The following NRP1 variants were observed in gnomAD, a reference collection of about 807,000 sequenced individuals.
NRP1 encodes neuropilin 1.
A neutral mutation model predicts 106.7 loss-of-function variants in NRP1; 35 were observed. That is an observed-to-expected ratio of 0.33 (90% CI 0.25 to 0.43). NRP1 has a LOEUF of 0.43. NRP1 is among the 20% of genes least tolerant of loss of function. The pLI, the probability that NRP1 is intolerant of heterozygous loss-of-function variation, is 1.00. For synonymous variants in NRP1, 437 were observed against 417.9 expected (o/e 1.05, Z -0.56); for missense variants, 1,024 against 1,170.4 (o/e 0.87, Z 1.83).
intron 15 of NRP1, among the ~76,000 whole-genome samples, chr10:33,184,862 T>C (rs1045591328): frequency 9.2e-5 from 14 of 152,328 alleles, no homozygotes; most frequent in African/African-American, 2.9e-4. Context: ...TGTCTTAAAT[T>C]GGCCCAATAG....
chr10:33,195,438 A>G, intron 12 of NRP1: 1 of 523,816 alleles, frequency 1.9e-6, no homozygotes, highest in Non-Finnish European at 3.9e-6. Flanking sequence ...ATGCCCATGG[A>G]GTTTATTATA....
intron 8 of NRP1, among the ~76,000 whole-genome samples, chr10:33,220,841 C>T (rs565441175): frequency 1.4e-5 from 2 of 146,152 alleles, no homozygotes; most frequent in African/African-American, 2.5e-5. Context: ...GTGGAGGTTG[C>T]CATGAGCCAA....
In NRP1 at chr10:33,270,750, G is replaced by T. The variant is rs746144639; in HGVS notation, c.355C>A (p.Leu119Ile). 1 of 1,613,842 alleles carries T rather than the reference G, an allele frequency of 6.2e-7. No individual in the cohort carries two copies. The highest frequency in any genetic ancestry group is 1.7e-5 in the Admixed American group (1 of 59,974). The change falls in exon 3 of 17, where the codon CTT (leucine) becomes ATT (isoleucine). Residue 119 changes from leucine to isoleucine, a missense_variant. This residue lies in a region of NRP1 where 279 missense variants were observed against 327.4 expected (regional missense o/e 0.85). Coordinates refer to ENST00000374867, the MANE Select transcript of NRP1 (RefSeq NM_003873.7). ...PPPVVSSGPF[L>I]FIKFVSDYET... is the part of the protein sequence containing the mutation. ...TAGTCAGAGACAAATTTGATAAAAA[G>T]AAATGGCCCTGAAGACACAACAGGA...
intron 10 of NRP1, 53 bp from the exon 11 acceptor site, chr10:33,203,048 G>A: frequency 1.3e-6 from 2 of 1,543,784 alleles, no homozygotes; most frequent in Admixed American, 1.9e-5. Flanking sequence ...GTATTCTCAA[G>A]CCTCTGGCTG....
rs10558085 is a variant in NRP1 at position 33,230,597 on chromosome 10, ATGTGTGTGTGTG to A, written c.982-4320_982-4309del. On this transcript the variant is annotated intron_variant, in intron 6 of 16. Transcript: ENST00000374867. ...CCTATTTTCCATTAGTTTCTCATAT[ATGTGTGTGTGTG>A]TGTGTGTGTGTGTGTGTGTGTGTGT... Among the ~76,000 whole-genome samples the A allele has an allele frequency of 1.4e-3, 203 of 144,684 alleles. 1 individual carries two copies. Among genetic ancestry groups the A allele is most frequent in the Admixed American group, 4.7e-3 (69 of 14,700 alleles). 94.9% of individuals were successfully genotyped at this position (144,684 alleles called of 152,430 possible).
intron 4 of NRP1, among the ~76,000 whole-genome samples, chr10:33,258,213 A>G (rs1842332248): frequency 1.3e-5 from 2 of 152,198 alleles, no homozygotes; most frequent in Non-Finnish European, 2.9e-5. Flanking sequence ...CTTGGCCGAC[A>G]GGTTTTCAGC....
At chr10:33,248,718 G>A (rs1245920066) in intron 6 of NRP1, among the ~76,000 whole-genome samples, 1 of 148,782 alleles carries the variant, frequency 6.7e-6, no homozygotes, top group Non-Finnish European at 1.5e-5. Flanking sequence ...AAATGGAGTG[G>A]AGAAAGAAGA....
At chr10:33,252,560 C>T (rs1588850775) in intron 6 of NRP1, among the ~76,000 whole-genome samples, 1 of 152,128 alleles carries the variant, frequency 6.6e-6, no homozygotes, top group Non-Finnish European at 1.5e-5. Context: ...GCGAGCCACA[C>T]CCCTATCGCA....
chr10:33,219,778 A>G (rs1042854766), intron 8 of NRP1, among the ~76,000 whole-genome samples: 2 of 151,956 alleles, frequency 1.3e-5, no homozygotes, highest in Non-Finnish European at 2.9e-5. Context: ...CAGAATTTTG[A>G]CTAACATGTT....
chr10:33,221,822 T>G lies in NRP1; in HGVS notation c.1179A>C (p.Ala393=). 1 of 1,614,068 alleles carries G rather than the reference T, an allele frequency of 6.2e-7. No individual in the cohort carries two copies. Among genetic ancestry groups the G allele is most frequent in the Non-Finnish European group, 8.5e-7 (1 of 1,179,928 alleles). ...GNTNPTDVVV[A]VFPKPLITRF... is the part of the protein sequence containing the mutation. ...GAGTTATCAGTGGTTTGGGGAATAC[T>G]GCAACCACAACATCTGTGGGGTTGG... The change falls in exon 8 of 17, where the codon GCA becomes GCC. Residue 393 remains alanine (A), a synonymous_variant. Transcript: ENST00000374867.
chr10:33,272,927 A>G lies in NRP1; in HGVS notation c.249-2071T>C, dbSNP rs149789922. On this transcript the variant is annotated intron_variant, in intron 2 of 16. Coordinates refer to ENST00000374867, the MANE Select transcript of NRP1 (RefSeq NM_003873.7). ...CTGAAAAACTAAGGCATTTCTGTTG[A>G]GGATACGTTCCTCTCAGGTAGCAGA... 2.7e-3 allele frequency among the ~76,000 whole-genome samples: 409 copies of G among 152,184 alleles called. 2 individuals carry two copies. The highest frequency in any genetic ancestry group is 8.9e-3 in the African/African-American group (369 of 41,512).
At chr10:33,224,279 G>A (rs1035260573) in intron 7 of NRP1, among the ~76,000 whole-genome samples, 2 of 152,134 alleles carry the variant, frequency 1.3e-5, no homozygotes, top group Non-Finnish European at 2.9e-5. Flanking sequence ...GCAAGCTGGG[G>A]GCACTGTCAA....
rs150766253 is a variant in NRP1 at position 33,257,452 on chromosome 10, C to T, written c.659-981G>A. ...AGGAGTTTGAGACCAGCCTGGCCAA[C>T]ATGGTGAAACCCCGTTTCTACTAAA... On this transcript the variant is annotated intron_variant, in intron 4 of 16. Coordinates refer to ENST00000374867, the MANE Select transcript of NRP1 (RefSeq NM_003873.7). 6.8e-3 allele frequency among the ~76,000 whole-genome samples: 1,040 copies of T among 152,274 alleles called. 15 individuals are homozygous for T. The highest frequency in any genetic ancestry group is 0.024 in the African/African-American group (1,015 of 41,540).
chr10:33,228,882 A>G (rs933010240), intron 6 of NRP1, among the ~76,000 whole-genome samples: 2 of 152,230 alleles, frequency 1.3e-5, no homozygotes, highest in African/African-American at 4.8e-5. Flanking sequence ...TTTTAATTTA[A>G]TGAATAAGTA....
intron 6 of NRP1, among the ~76,000 whole-genome samples, chr10:33,236,122 C>G (rs911733502): frequency 6.6e-6 from 1 of 152,136 alleles, no homozygotes; most frequent in Non-Finnish European, 1.5e-5. Context: ...GAGCCTAGTC[C>G]TTTGATTTGG....
intron 8 of NRP1, among the ~76,000 whole-genome samples, chr10:33,220,759 G>A (rs1839167648): frequency 6.6e-6 from 1 of 151,892 alleles, no homozygotes; most frequent in Non-Finnish European, 1.5e-5. Context: ...TTAGCCAGGT[G>A]TGGTGGTGCA....
intron 2 of NRP1, among the ~76,000 whole-genome samples, chr10:33,295,068 G>GT (rs1487947313): frequency 6.6e-6 from 1 of 152,152 alleles, no homozygotes; most frequent in Non-Finnish European, 1.5e-5. Context: ...AAAAATGGCA[G>GT]TTATACCCAT....
chr10:33,228,855 A>G (rs1402338551), intron 6 of NRP1, among the ~76,000 whole-genome samples: 1 of 152,254 alleles, frequency 6.6e-6, no homozygotes, highest in African/African-American at 2.4e-5. Flanking sequence ...TTAGAATACT[A>G]ACAATAGATT....
intron 9 of NRP1, among the ~76,000 whole-genome samples, chr10:33,208,430 C>T (rs1837996780): frequency 6.6e-6 from 1 of 152,198 alleles, no homozygotes. Flanking sequence ...CCACCCACTG[C>T]CAGTGCTGCT....
Sources: gnomAD v4.1 joint callset for allele counts (sites outside exome capture counted in the v4.1 genomes callset) on GRCh38, gnomAD v4.1.1 for gene constraint, gnomAD v4.1.1 regional missense constraint, MANE v1.5 for transcripts, NCBI Gene and HGNC (gene_info 2026-07-23, HGNC 2026-07-21) for gene names.